TNS1: variants seen among roughly 807,000 people sequenced by gnomAD.
TNS1 encodes tensin-1.
In TNS1, 62 loss-of-function variants were observed where a neutral mutation model predicts 168.6. The ratio of observed to expected loss-of-function variants is 0.37; its 90% CI spans 0.30 to 0.45. The LOEUF (loss-of-function observed/expected upper bound fraction) is 0.45. Ranked by LOEUF, TNS1 falls within the 20% of genes least tolerant of loss-of-function variation. The pLI is 1.00. For missense variants in TNS1, 2,240 were observed against 2,339.4 expected, an observed-to-expected ratio of 0.96 and a Z score of 0.88; for synonymous variants, 934 against 933.2, an observed-to-expected ratio of 1.00 and a Z score of -0.02.
At chr2:217,928,068 G>A (rs567463370) in intron 3 of TNS1, among the ~76,000 whole-genome samples, 1 of 152,344 alleles carries the variant, frequency 6.6e-6, no homozygotes, top group Non-Finnish European at 1.5e-5. Flanking sequence ...AGGCAAGCTG[G>A]GAGGCCCAGG....
At chr2:218,002,785 G>C (rs1958590167) in intron 1 of TNS1, 55 bp downstream of exon 1, 1 of 456,262 alleles carries the variant, frequency 2.2e-6, no homozygotes, top group African/African-American at 2.0e-5. Context: ...AGGGGCCGGT[G>C]GGGGGCGGGG....
chr2:217,866,999 A>G (rs965463551), intron 18 of TNS1, among the ~76,000 whole-genome samples: 1 of 152,246 alleles, frequency 6.6e-6, no homozygotes, highest in African/African-American at 2.4e-5. Flanking sequence ...GGTGGGTGTC[A>G]GAATCCAAGC....
chr2:217,810,879 A>AT (rs5838670), intron 28 of TNS1, among the ~76,000 whole-genome samples: 23,266 of 144,596 alleles, frequency 0.16, 1,949 homozygotes, highest in East Asian at 0.31. Flanking sequence ...ATGGTACATA[A>AT]TTTTTTTTTT....
Position 217,975,795 on chromosome 2 carries a change from C to T in TNS1, c.186+2970G>A, listed in dbSNP as rs542032884. On this transcript the variant is annotated intron_variant, in intron 3 of 32. Coordinates refer to ENST00000682258, the MANE Select transcript of TNS1 (RefSeq NM_001387777.1). ...CCTCAGAAGGCATCCCAGACCCAGC[C>T]CCTCCTCACTGCTTTTCTGGCTAGC... Among the ~76,000 whole-genome samples the T allele has an allele frequency of 1.3e-4, 20 of 152,282 alleles. No homozygotes were observed. In the South Asian group the frequency reaches 2.1e-3, roughly 16 times the overall value.
At chr2:217,964,990 C>T (rs186861549) in intron 3 of TNS1, among the ~76,000 whole-genome samples, 8 of 152,290 alleles carry the variant, frequency 5.3e-5, no homozygotes, top group Admixed American at 5.2e-4. Context: ...GCAGGGGTGT[C>T]AAAGATCCTT....
intron 3 of TNS1, among the ~76,000 whole-genome samples, chr2:217,959,456 T>C (rs1957442731): frequency 6.6e-6 from 1 of 151,394 alleles, no homozygotes; most frequent in African/African-American, 2.4e-5. Flanking sequence ...TATCTTAGTA[T>C]GGAAACTTAG....
chr2:217,884,147 G>GTGGATGGATGGATGGATGGA (rs562041033), intron 16 of TNS1, among the ~76,000 whole-genome samples: 1,382 of 119,604 alleles, frequency 0.012, 15 homozygotes, highest in African/African-American at 0.026. Context: ...GGGTGGGTGG[G>GTGGATGGATGGATGGATGGA]TGGATGGATG....
At chr2:218,012,654 CCATA>C (rs1349318310), upstream of TNS1, among the ~76,000 whole-genome samples, 2 of 152,136 alleles carry the variant, frequency 1.3e-5, no homozygotes, top group Non-Finnish European at 2.9e-5. Context: ...CCCCCATACC[CCATA>C]TAGCTTCATG....
intron 22 of TNS1, chr2:217,830,429 C>T (rs761946331): frequency 1.2e-6 from 2 of 1,610,412 alleles, no homozygotes. Context: ...TAGCCCCCAC[C>T]CAGCCCTAAA....
chr2:217,885,762 G>A lies in TNS1; in HGVS notation c.1098C>T (p.Leu366=), dbSNP rs750298143. The change falls in exon 15 of 33, where the codon CTC becomes CTT. Residue 366 remains leucine, a synonymous_variant. Coordinates refer to ENST00000682258, the MANE Select transcript of TNS1 (RefSeq NM_001387777.1). ...SVCITIEPGL[L]LKGDILLKCY... ...CACTCACCAAGATGTCTCCCTTCAA[G>A]AGCAGTCCTGGCTCGATGGTGATGC... 3 of 1,614,038 alleles carry A rather than the reference G, an allele frequency of 1.9e-6. No individual in the cohort carries two copies. The highest frequency in any genetic ancestry group is 2.5e-6 in the Non-Finnish European group (3 of 1,180,028).
At chr2:218,012,341 T>C (rs1958713824), upstream of TNS1, among the ~76,000 whole-genome samples, 1 of 151,986 alleles carries the variant, frequency 6.6e-6, no homozygotes. Context: ...TTTAAGAAAA[T>C]TACCAAAACC....
At chr2:217,928,654 C>A (rs140980620) in intron 3 of TNS1, among the ~76,000 whole-genome samples, 1 of 152,270 alleles carries the variant, frequency 6.6e-6, no homozygotes, top group Non-Finnish European at 1.5e-5. Flanking sequence ...CAGGGGAGTC[C>A]CAGAGGGCTG....
In TNS1 at chr2:217,900,070, T is replaced by A. The variant is rs1297820144; in HGVS notation, c.371+393A>T. On this transcript the variant is annotated intron_variant, in intron 7 of 32. Coordinates refer to ENST00000682258, the MANE Select transcript of TNS1 (RefSeq NM_001387777.1). ...AATCCTGTCTGCAGAGAGGAAGAGA[T>A]CCAGCACAGGCCTCAATGCTCATCA... Among the ~76,000 whole-genome samples the A allele has an allele frequency of 2.0e-5, 3 of 152,070 alleles. No homozygotes were observed. In the East Asian group the frequency reaches 5.8e-4, roughly 30 times the overall value.
rs563822787 is a variant in TNS1 at position 217,813,513 on chromosome 2, C to A, written c.4861+172G>T. Among the ~76,000 whole-genome samples the A allele has an allele frequency of 1.5e-4, 23 of 152,318 alleles. No individual in the cohort carries two copies. The highest frequency in any genetic ancestry group is 4.3e-4 in the African/African-American group (18 of 41,570). ...AAACACATGGCAGGCACCCAATCGT[C>A]CTGCTTTCCCAATCTCTGACCTCAA... On this transcript the variant is annotated intron_variant, in intron 26 of 32. Transcript: ENST00000682258. The surrounding 1 kb of genome is among the most constrained non-coding windows in gnomAD (Gnocchi z 4.0).
At chr2:217,955,180 C>T (rs891394913) in intron 3 of TNS1, among the ~76,000 whole-genome samples, 2 of 152,234 alleles carry the variant, frequency 1.3e-5, no homozygotes, top group South Asian at 2.1e-4. Context: ...ATCCTCAGCA[C>T]GTTCCAGCCT....
chr2:217,891,706 G>C (rs890965250), intron 11 of TNS1, among the ~76,000 whole-genome samples: 1 of 152,202 alleles, frequency 6.6e-6, no homozygotes, highest in Non-Finnish European at 1.5e-5. Context: ...GTGAGGCCGC[G>C]AGGCCCCATG....
chr2:217,938,703 A>C (rs751202874), intron 3 of TNS1, among the ~76,000 whole-genome samples: 6 of 152,228 alleles, frequency 3.9e-5, no homozygotes, highest in Non-Finnish European at 8.8e-5. Context: ...ACTCTCATCA[A>C]GGCATGGGAT....
Position 217,906,389 on chromosome 2 carries a change from C to T in TNS1, c.271-4G>A. The T allele has an allele frequency of 1.4e-6, 1 of 702,660 alleles. No individual in the cohort carries two copies. 43.5% of individuals were successfully genotyped at this position (702,660 alleles called of 1,614,324 possible). ...CACCCCGGGAGGCTCCTTCTCCCTG[C>T]AGACAGAGAAAAGGCAGTCAGAGAG... On this transcript the variant is annotated splice_region_variant and splice_polypyrimidine_tract_variant and intron_variant, in intron 5 of 32. Coordinates refer to ENST00000682258, the MANE Select transcript of TNS1 (RefSeq NM_001387777.1).
At chr2:218,019,532 ACTCACGGGGCCT>A (rs1262898361) in intron 1 of TNS1, among the ~76,000 whole-genome samples, 2 of 151,984 alleles carry the variant, frequency 1.3e-5, no homozygotes, top group African/African-American at 2.4e-5. Context: ...AAGGAGGAGG[ACTCACGGGGCCT>A]CTTTCCACCC....
Sources: gnomAD v4.1 joint callset for allele counts (sites outside exome capture counted in the v4.1 genomes callset) on GRCh38, gnomAD v4.1.1 for gene constraint, Gnocchi (gnomAD v3.1) non-coding constraint, MANE v1.5 for transcripts, NCBI Gene and HGNC (gene_info 2026-07-23, HGNC 2026-07-21) for gene names.